SETD9: variants seen among roughly 807,000 people sequenced by gnomAD.
The protein encoded by SETD9 is SET domain-containing protein 9.
Under a neutral mutation model 36.4 loss-of-function variants are expected in SETD9, and 37 were observed. That is an observed-to-expected ratio of 1.02 (90% confidence interval 0.78 to 1.34). The LOEUF (loss-of-function observed/expected upper bound fraction) is 1.34. SETD9 is among the 40% of genes most tolerant of loss of function. The pLI is 0.00. For synonymous variants in SETD9, 128 were observed against 132.9 expected, an observed-to-expected ratio of 0.96 and a Z score of 0.26; for missense variants, 323 against 353.2, an observed-to-expected ratio of 0.91 and a Z score of 0.69.
intron 2 of SETD9, 24 bp downstream of exon 2, chr5:56,911,560 C>CCTG: frequency 6.7e-7 from 1 of 1,498,386 alleles, no homozygotes; most frequent in Non-Finnish European, 8.8e-7. Context: ...TAATATTATA[C>CCTG]TTTGCCAAGC....
At chr5:56,925,278 G>T (rs1202942317) in intron 5 of SETD9, 5 of 442,648 alleles carry the variant, frequency 1.1e-5, no homozygotes, top group Middle Eastern at 4.7e-4. Flanking sequence ...ACAAGAAAAA[G>T]AAATAAAAAG....
At position 56,912,966 on chromosome 5, in the gene SETD9, A is replaced by G. The variant is rs761469717; in HGVS notation, c.467-45A>G. ...AAGGGTTCTTATCGCAGTGTTTATG[A>G]TTTTTCATGTTGTTATCATATTTCT... On this transcript the variant is annotated intron_variant, in intron 2 of 5. Coordinates refer to ENST00000285947, the MANE Select transcript of SETD9 (RefSeq NM_153706.4). The G allele has an allele frequency of 8.2e-6, 13 of 1,591,934 alleles. No individual in the cohort carries two copies. The African/African-American group carries it at 1.4e-4, about 17-fold the overall frequency.
chr5:56,910,085 G>A (rs1749030266), intron 1 of SETD9: 3 of 1,256,494 alleles, frequency 2.4e-6, no homozygotes, highest in South Asian at 1.6e-5. Flanking sequence ...CCAGCCGGAT[G>A]TGTCGCCTGT....
At chr5:56,920,772 T>C (rs1381471432), downstream of SETD9, 3 of 152,270 alleles carry the variant, frequency 2.0e-5, no homozygotes, top group Non-Finnish European at 2.9e-5. Context: ...AGTCAGAAAA[T>C]ATTGAATTAG....
At chr5:56,916,667 G>T (rs1749443642) in intron 5 of SETD9, 148 bp from the exon 6 acceptor site, 6 of 700,698 alleles carry the variant, frequency 8.6e-6, no homozygotes, top group Non-Finnish European at 1.4e-5. Context: ...TCAGGAATAA[G>T]AACTATTTCC....
At chr5:56,912,189 AC>A in intron 2 of SETD9, 1 of 985,368 alleles carries the variant, frequency 1.0e-6, no homozygotes, top group Non-Finnish European at 1.2e-6. Flanking sequence ...ACGGATCAAA[AC>A]ATAAAAGACA....
downstream of SETD9, among the ~76,000 whole-genome samples, chr5:56,919,126 CTTTTT>C (rs34426416): frequency 1.5e-5 from 2 of 132,542 alleles, no homozygotes; most frequent in Admixed American, 8.0e-5. Context: ...TTTGGGACTT[CTTTTT>C]TTTTTTTTTT....
chr5:56,919,387 G>GTGT (rs548922523), downstream of SETD9, among the ~76,000 whole-genome samples: 4 of 152,234 alleles, frequency 2.6e-5, no homozygotes, highest in East Asian at 7.7e-4. Context: ...GCCTCTCAAA[G>GTGT]TGTTGGGATT....
rs199593296 is a variant in SETD9, at chr5:56,911,253, G to A, written c.183G>A (p.Gln61=). 1.6e-5 allele frequency: 26 copies of A among 1,607,728 alleles called. No individual in the cohort carries two copies. Among genetic ancestry groups the A allele is most frequent in the Middle Eastern group, 3.3e-4 (2 of 6,014 alleles). ...DVLGTLLKVF[Q]ALFLNDFNKQ... ...TAGGAACATTACTGAAAGTTTTCCA[G>A]GCTCTATTCTTAAATGATTTCAATA... The change falls in exon 2 of 6, where the codon CAG becomes CAA. Residue 61 remains glutamine, a synonymous_variant. Transcript: ENST00000285947.
chr5:56,909,936 GC>G, intron 1 of SETD9, 193 bp downstream of exon 1: 1 of 1,102,266 alleles, frequency 9.1e-7, no homozygotes, highest in Non-Finnish European at 1.2e-6. Context: ...AGGAACGCGG[GC>G]CAGAGGCGGG....
chr5:56,911,236 T>C lies in SETD9; in HGVS notation c.166T>C (p.Leu56=). The C allele has an allele frequency of 1.2e-6, 2 of 1,604,650 alleles. No individual in the cohort carries two copies. ...VISDEDVLGT[L]LKVFQALFLN... ...CTCAGATGAAGATGTCCTAGGAACA[T>C]TACTGAAAGTTTTCCAGGCTCTATT... The change falls in exon 2 of 6, where the codon TTA becomes CTA. Residue 56 remains leucine (L), a synonymous_variant. Transcript: ENST00000285947.
chr5:56,922,874 A>G (rs1328346041), intron 5 of SETD9: 3 of 460,066 alleles, frequency 6.5e-6, no homozygotes, highest in Non-Finnish European at 1.2e-5. Context: ...GATGAGGAAG[A>G]GAGAAGCAGA....
downstream of SETD9, among the ~76,000 whole-genome samples, chr5:56,918,835 G>C (rs1391599173): frequency 6.6e-6 from 1 of 152,184 alleles, no homozygotes; most frequent in Non-Finnish European, 1.5e-5. Flanking sequence ...ACTACATAAA[G>C]CTCTGGTCAG....
chr5:56,928,623 A>C (rs142181482), downstream of SETD9: 1,237 of 541,608 alleles, frequency 2.3e-3, 12 homozygotes, highest in African/African-American at 0.022. Context: ...ATCTCTGAGC[A>C]AATTAGTCAT....
intron 2 of SETD9, chr5:56,912,376 C>A: frequency 2.4e-6 from 1 of 419,454 alleles, no homozygotes; most frequent in Non-Finnish European, 3.2e-6. Context: ...ATATTTGAGT[C>A]AGATAGACCC....
chr5:56,924,167 A>G, intron 5 of SETD9: 1 of 890,274 alleles, frequency 1.1e-6, no homozygotes, highest in Non-Finnish European at 1.6e-6. Flanking sequence ...AGTTCTGAAC[A>G]CTTTTAATAA....
chr5:56,913,355 A>G (rs988276748), intron 3 of SETD9, among the ~76,000 whole-genome samples: 23 of 151,786 alleles, frequency 1.5e-4, no homozygotes, highest in African/African-American at 5.6e-4. Context: ...CACCCAGCTC[A>G]GCATTTATGC....
chr5:56,912,370 T>C (rs1338435368), intron 2 of SETD9: 4 of 484,782 alleles, frequency 8.3e-6, no homozygotes, highest in Non-Finnish European at 1.1e-5. Flanking sequence ...GTGTGAATAT[T>C]TGAGTCAGAT....
chr5:56,910,027 C>T, intron 1 of SETD9: 2 of 1,349,362 alleles, frequency 1.5e-6, no homozygotes, highest in East Asian at 3.1e-5. Context: ...GGCCTATGGC[C>T]TCTTTCCCAG....
Sources: gnomAD v4.1 joint callset for allele counts (sites outside exome capture counted in the v4.1 genomes callset) on GRCh38, gnomAD v4.1.1 for gene constraint, MANE v1.5 for transcripts, NCBI Gene and HGNC (gene_info 2026-07-23, HGNC 2026-07-21) for gene names.